The following DPP6 variants were observed in gnomAD, a reference collection of about 807,000 sequenced individuals.
The protein encoded by DPP6 is A-type potassium channel modulatory protein DPP6.
Under a neutral mutation model 122.6 loss-of-function variants are expected in DPP6, and 69 were observed. That is an observed-to-expected ratio of 0.56 (90% CI 0.46 to 0.69). The LOEUF (loss-of-function observed/expected upper bound fraction) is 0.69. Ranked by LOEUF, DPP6 falls within the 30% of genes least tolerant of loss-of-function variation. The pLI is 0.00. For synonymous variants in DPP6, 418 were observed against 433.1 expected (o/e 0.97, Z 0.43); for missense variants, 928 against 1,116.9 (o/e 0.83, Z 2.41).
intron 1 of DPP6, chr7:154,092,455 CT>C (rs1804923460): frequency 6.6e-6 from 1 of 150,738 alleles, no homozygotes; most frequent in South Asian, 2.1e-4. Context: ...TTCCTTTCAA[CT>C]AGAATATTTC....
rs1554449219 is a variant in DPP6, at chr7:154,062,299, C to CG, written c.243+9238dup. 3.1e-4 allele frequency among the ~76,000 whole-genome samples: 10 copies of CG among 32,532 alleles called. 1 individual carries two copies. The highest frequency in any genetic ancestry group is 1.1e-3 in the African/African-American group (8 of 7,194). The allele number at this position is 32,532 out of a possible 152,430, so 21.3% of individuals were successfully genotyped here. A position where few individuals can be genotyped will look rare whatever the true frequency, so the allele number is the denominator to read the frequency against. ...CTGAGAGCCAGTCCCTCTTCCCCCCCGGCTCTGAGGACCCCCATCGCAGGA... is the reference window on the plus strand; with the variant it reads ...CTGAGAGCCAGTCCCTCTTCCCCCCCGGGCTCTGAGGACCCCCATCGCAGGA... On this transcript the variant is annotated intron_variant, in intron 1 of 25. Transcript: ENST00000377770.
At chr7:154,677,557 C>T (rs1024061265) in intron 7 of DPP6, among the ~76,000 whole-genome samples, 2 of 152,240 alleles carry the variant, frequency 1.3e-5, no homozygotes, top group African/African-American at 4.8e-5. Context: ...AACTCCAAAA[C>T]GCTTTGTTAG....
intron 25 of DPP6, among the ~76,000 whole-genome samples, chr7:154,891,678 T>C (rs1424017541): frequency 2.0e-5 from 3 of 152,068 alleles, no homozygotes; most frequent in African/African-American, 7.2e-5. Flanking sequence ...CTCCGCCTCC[T>C]GGGTTCAAGT....
intron 1 of DPP6, among the ~76,000 whole-genome samples, chr7:154,289,806 G>A (rs1044064553): frequency 6.6e-6 from 1 of 152,166 alleles, no homozygotes; most frequent in Non-Finnish European, 1.5e-5. Flanking sequence ...AGCGTCTGAT[G>A]GGGATGGCAG....
the DPP6 span, among the ~76,000 whole-genome samples, chr7:153,881,076 G>A: frequency 6.6e-6 from 1 of 152,190 alleles, no homozygotes; most frequent in Non-Finnish European, 1.5e-5. Context: ...TTAGTTGAAA[G>A]TATAGTGGAA....
intron 2 of DPP6, among the ~76,000 whole-genome samples, chr7:154,454,751 G>A (rs1219023146): frequency 2.0e-5 from 3 of 152,170 alleles, no homozygotes; most frequent in Admixed American, 6.5e-5. Context: ...GATGAAAACT[G>A]TAAGTCATCT....
At chr7:154,439,953 A>C (rs929720773) in intron 1 of DPP6, among the ~76,000 whole-genome samples, 2 of 152,218 alleles carry the variant, frequency 1.3e-5, no homozygotes, top group African/African-American at 4.8e-5. Context: ...GGAGAGCCTG[A>C]GCAGTGAGAC....
the DPP6 span, among the ~76,000 whole-genome samples, chr7:153,815,210 C>G: frequency 6.6e-6 from 1 of 152,108 alleles, no homozygotes; most frequent in Non-Finnish European, 1.5e-5. Context: ...CTAGAAAACC[C>G]CATTGTTTCA....
chr7:154,885,591 C>G (rs1386499863), intron 21 of DPP6, 42 bp from the exon 22 acceptor site: 2 of 1,548,902 alleles, frequency 1.3e-6, no homozygotes, highest in Non-Finnish European at 1.7e-6. Flanking sequence ...TGCTGAGTTA[C>G]TGCCAGGACT....
intron 1 of DPP6, among the ~76,000 whole-genome samples, chr7:154,228,797 C>T (rs921492167): frequency 6.6e-6 from 1 of 152,170 alleles, no homozygotes; most frequent in South Asian, 2.1e-4. Flanking sequence ...GCAATGATGT[C>T]AGTCATTTAG....
the DPP6 span, among the ~76,000 whole-genome samples, chr7:153,881,772 C>T: frequency 6.6e-6 from 1 of 152,160 alleles, no homozygotes; most frequent in Non-Finnish European, 1.5e-5. Flanking sequence ...CATCCCTCTG[C>T]AGGCATTCAT....
chr7:154,627,832 T>C (rs79671626), intron 5 of DPP6, among the ~76,000 whole-genome samples: 2,523 of 151,926 alleles, frequency 0.017, 62 homozygotes, highest in African/African-American at 0.057. Flanking sequence ...GCAACAGGAG[T>C]CTGACGCCAT....
chr7:154,216,312 A>G (rs1209799362), intron 1 of DPP6, among the ~76,000 whole-genome samples: 2 of 152,222 alleles, frequency 1.3e-5, no homozygotes, highest in Non-Finnish European at 2.9e-5. Flanking sequence ...AGATCTTACC[A>G]TAGGGCTCCT....
At chr7:154,174,060 A>G (rs1347150474) in intron 1 of DPP6, among the ~76,000 whole-genome samples, 1 of 152,178 alleles carries the variant, frequency 6.6e-6, no homozygotes, top group Non-Finnish European at 1.5e-5. Flanking sequence ...GCTATAGGGT[A>G]TTTTAAACAT....
At chr7:153,827,802 AC>A in the DPP6 span, among the ~76,000 whole-genome samples, 3 of 152,200 alleles carry the variant, frequency 2.0e-5, no homozygotes, top group South Asian at 6.2e-4. Flanking sequence ...TCCCACTTCT[AC>A]CCACACAGTC....
chr7:154,852,763 C>T (rs936169017), intron 16 of DPP6, among the ~76,000 whole-genome samples: 30 of 152,172 alleles, frequency 2.0e-4, no homozygotes, highest in African/African-American at 6.3e-4. Context: ...GTCCCAATAG[C>T]GTAGTGTGTG....
At chr7:153,853,514 G>A in the DPP6 span, among the ~76,000 whole-genome samples, 1 of 152,178 alleles carries the variant, frequency 6.6e-6, no homozygotes, top group Non-Finnish European at 1.5e-5. Context: ...GATTTAAGGA[G>A]TATGCTAGTC....
chr7:154,215,327 C>T (rs564233023), intron 1 of DPP6, among the ~76,000 whole-genome samples: 1 of 152,288 alleles, frequency 6.6e-6, no homozygotes, highest in South Asian at 2.1e-4. Flanking sequence ...TCACCTCCCA[C>T]CAGGTCCCCT....
chr7:153,770,932 G>A, the DPP6 span, among the ~76,000 whole-genome samples: 18 of 152,030 alleles, frequency 1.2e-4, no homozygotes, highest in Non-Finnish European at 2.2e-4. Context: ...TATAACTAAA[G>A]CAAAAATAAA....
Sources: gnomAD v4.1 joint callset for allele counts (sites outside exome capture counted in the v4.1 genomes callset) on GRCh38, gnomAD v4.1.1 for gene constraint, MANE v1.5 for transcripts, NCBI Gene and HGNC (gene_info 2026-07-23, HGNC 2026-07-21) for gene names.